The following RMDN2 variants were observed in gnomAD, a reference collection of about 807,000 sequenced individuals.
The protein encoded by RMDN2 is regulator of microtubule dynamics protein 2.
Under a neutral mutation model 52.8 loss-of-function variants are expected in RMDN2, and 61 were observed. The ratio of observed to expected loss-of-function variants is 1.16; its 90% confidence interval spans 0.94 to 1.43. RMDN2 has a LOEUF of 1.43. Ranked by LOEUF, RMDN2 falls within the 40% of genes most tolerant of loss-of-function variation. RMDN2 has a pLI of 0.00. For missense variants in RMDN2, 592 were observed against 475.3 expected (o/e 1.25, Z -2.28); for synonymous variants, 180 against 153.1 (o/e 1.18, Z -1.30).
At chr2:37,965,673 G>A (rs894266149) in intron 2 of RMDN2, among the ~76,000 whole-genome samples, 2 of 152,026 alleles carry the variant, frequency 1.3e-5, no homozygotes, top group Admixed American at 1.3e-4. Flanking sequence ...GAATAATTCT[G>A]TTATATTTTC....
At chr2:37,978,624 G>A (rs944523784) in intron 4 of RMDN2, among the ~76,000 whole-genome samples, 1 of 151,768 alleles carries the variant, frequency 6.6e-6, no homozygotes, top group African/African-American at 2.4e-5. Flanking sequence ...TCAGAAGCCC[G>A]AGACCAGCCT....
chr2:37,937,784 T>G (rs978183650), intron 2 of RMDN2, among the ~76,000 whole-genome samples: 2 of 152,202 alleles, frequency 1.3e-5, no homozygotes, highest in Non-Finnish European at 2.9e-5. Flanking sequence ...TTAAGGAGAT[T>G]TGGGGCTGAG....
At chr2:37,968,963 T>C (rs899242666) in intron 2 of RMDN2, among the ~76,000 whole-genome samples, 2 of 152,142 alleles carry the variant, frequency 1.3e-5, no homozygotes, top group African/African-American at 4.8e-5. Flanking sequence ...AACTTTCTTA[T>C]AAGTTTCTGA....
intron 2 of RMDN2, among the ~76,000 whole-genome samples, chr2:37,935,983 G>C (rs1406918263): frequency 1.3e-5 from 2 of 152,054 alleles, no homozygotes; most frequent in African/African-American, 4.8e-5. Context: ...ATGTGCCGTG[G>C]TGGTTTGCTG....
chr2:38,034,754 A>G (rs1328430898), intron 10 of RMDN2, among the ~76,000 whole-genome samples: 1 of 151,454 alleles, frequency 6.6e-6, no homozygotes, highest in African/African-American at 2.4e-5. Context: ...ATACCCTACT[A>G]AAATTTTCAT....
chr2:38,020,869 C>T (rs148810006), downstream of RMDN2, among the ~76,000 whole-genome samples: 1,065 of 152,278 alleles, frequency 7.0e-3, 8 homozygotes, highest in African/African-American at 0.024. Context: ...GCAATTCCAT[C>T]GACCACCCAA....
chr2:37,980,265 C>G (rs1332671541), intron 4 of RMDN2, among the ~76,000 whole-genome samples: 1 of 152,024 alleles, frequency 6.6e-6, no homozygotes, highest in African/African-American at 2.4e-5. Context: ...TTTAGATTTT[C>G]CAAGCCATAA....
At chr2:37,973,953 G>T (rs921741615) in intron 2 of RMDN2, 87 bp from the exon 3 acceptor site, 1 of 1,036,056 alleles carries the variant, frequency 9.7e-7, no homozygotes. Context: ...CATAAGAGGG[G>T]CATGATTTGA....
downstream of RMDN2, among the ~76,000 whole-genome samples, chr2:38,019,912 G>C (rs1437204631): frequency 6.6e-6 from 1 of 151,982 alleles, no homozygotes; most frequent in African/African-American, 2.4e-5. Flanking sequence ...ACAGCACTCT[G>C]GGTGACAGAG....
At chr2:38,052,743 T>TA (rs1318671323) in intron 10 of RMDN2, among the ~76,000 whole-genome samples, 1 of 152,186 alleles carries the variant, frequency 6.6e-6, no homozygotes, top group African/African-American at 2.4e-5. Context: ...AATTGGTGTT[T>TA]TTTTTCTGGG....
chr2:37,992,883 C>A (rs1054368902), intron 7 of RMDN2, among the ~76,000 whole-genome samples: 3 of 152,006 alleles, frequency 2.0e-5, no homozygotes, highest in Non-Finnish European at 4.4e-5. Context: ...AGCAGGAGAA[C>A]AGGATTCAAA....
Position 37,967,758 on chromosome 2 carries a change from C to A in RMDN2, c.453-6282C>A, listed in dbSNP as rs144823926. Reference sequence around the variant, plus strand: ...CAGTGGGAAATCATTAGGCTTCCACCTTAGAGTCCTCATTTGATTTGGCTC... The same window carrying A: ...CAGTGGGAAATCATTAGGCTTCCACATTAGAGTCCTCATTTGATTTGGCTC... On this transcript the variant is annotated intron_variant, in intron 2 of 10. Transcript: ENST00000354545. Among the ~76,000 whole-genome samples the A allele has an allele frequency of 3.8e-3, 580 of 152,272 alleles. 7 individuals carry two copies. The highest frequency in any genetic ancestry group is 0.013 in the African/African-American group (538 of 41,548).
At chr2:38,013,133 T>C (rs1678240552) in intron 10 of RMDN2, among the ~76,000 whole-genome samples, 1 of 152,198 alleles carries the variant, frequency 6.6e-6, no homozygotes. Context: ...TGAGAAACAT[T>C]TCTTTTTTAA....
chr2:37,961,995 T>G (rs1254184382), intron 2 of RMDN2, among the ~76,000 whole-genome samples: 1 of 152,238 alleles, frequency 6.6e-6, no homozygotes, highest in Admixed American at 6.5e-5. Flanking sequence ...CTCCAAACAC[T>G]GTTTGCCTGG....
intron 10 of RMDN2, among the ~76,000 whole-genome samples, chr2:38,060,421 C>T (rs956533554): frequency 4.6e-5 from 7 of 152,186 alleles, no homozygotes; most frequent in African/African-American, 1.7e-4. Context: ...TTTGTCCAGC[C>T]TGTGTTTCCC....
chr2:37,979,673 T>A (rs1310197944), intron 4 of RMDN2, among the ~76,000 whole-genome samples: 1 of 152,204 alleles, frequency 6.6e-6, no homozygotes, highest in Non-Finnish European at 1.5e-5. Context: ...GATCACAAAA[T>A]ACAGTTCTCT....
chr2:38,064,849 G>T (rs1178043213), intron 10 of RMDN2, among the ~76,000 whole-genome samples: 1 of 152,104 alleles, frequency 6.6e-6, no homozygotes, highest in African/African-American at 2.4e-5. Context: ...AAGAGGTCAT[G>T]CCATGTGTTG....
chr2:37,981,334 G>T lies in RMDN2; in HGVS notation c.782G>T (p.Cys261Phe), dbSNP rs1214800573. ...AATAGAGCACCCATGAATGGACATTGTCATCTGTGGTAAGTGTATAGGATT... is the reference window on the plus strand; with the variant it reads ...AATAGAGCACCCATGAATGGACATTTTCATCTGTGGTAAGTGTATAGGATT... ...AINRAPMNGH[C>F]HLWYAVLCGY... The change falls in exon 5 of 11, where the codon TGT becomes TTT. Residue 261 changes from cysteine (C) to phenylalanine (F), a missense_variant. By Grantham distance (205) the Cys-to-Phe change is radical (BLOSUM62 -2). Transcript: ENST00000354545. 6.2e-7 allele frequency: 1 copy of T among 1,601,040 alleles called. No individual in the cohort carries two copies.
intron 10 of RMDN2, among the ~76,000 whole-genome samples, chr2:38,015,563 C>CA (rs397984334): frequency 0.37 from 36,750 of 98,106 alleles, 5,402 homozygotes; most frequent in East Asian, 0.72. Flanking sequence ...GACTCCGTCT[C>CA]AAAAAAAAAA....
Sources: gnomAD v4.1 joint callset for allele counts (sites outside exome capture counted in the v4.1 genomes callset) on GRCh38, gnomAD v4.1.1 for gene constraint, MANE v1.5 for transcripts, NCBI Gene and HGNC (gene_info 2026-07-23, HGNC 2026-07-21) for gene names.